MTMR9: variants seen among roughly 807,000 people sequenced by gnomAD.
MTMR9 encodes myotubularin-related protein 9.
A neutral mutation model predicts 69.5 loss-of-function variants in MTMR9; 39 were observed. The observed-to-expected ratio is 0.56, with a 90% CI of 0.43 to 0.73. The LOEUF is 0.73. Among genes scored for constraint, MTMR9 ranks in the 30% least tolerant of loss-of-function variants. MTMR9 has a pLI of 0.00. For synonymous variants in MTMR9, 354 were observed against 240.8 expected (o/e 1.47, Z -4.35); for missense variants, 900 against 671.2 (o/e 1.34, Z -3.77).
chr8:11,291,957 T>C (rs552272278), intron 1 of MTMR9, among the ~76,000 whole-genome samples: 13 of 152,164 alleles, frequency 8.5e-5, no homozygotes, highest in African/African-American at 3.1e-4. Context: ...TGTGTTGATA[T>C]ATGTACACAC....
At chr8:11,310,143 C>T (rs765351570) in intron 6 of MTMR9, among the ~76,000 whole-genome samples, 2 of 152,226 alleles carry the variant, frequency 1.3e-5, no homozygotes, top group Non-Finnish European at 2.9e-5. Flanking sequence ...TTATTTCATA[C>T]TACTTGATAT....
At chr8:11,314,139 A>G (rs555132437) in intron 6 of MTMR9, among the ~76,000 whole-genome samples, 1 of 152,352 alleles carries the variant, frequency 6.6e-6, no homozygotes, top group East Asian at 1.9e-4. Context: ...GTACATGGGT[A>G]AAAACTGACA....
chr8:11,305,050 G>A, intron 4 of MTMR9, 36 bp downstream of exon 4: 3 of 1,589,818 alleles, frequency 1.9e-6, no homozygotes, highest in Non-Finnish European at 2.6e-6. Flanking sequence ...TGTACTGAAA[G>A]GCTTGGGTTG....
chr8:11,327,693 C>T lies in MTMR9; in HGVS notation c.*4905C>T, dbSNP rs922144063. On this transcript the variant is annotated 3_prime_UTR_variant, in exon 10 of 10. Coordinates refer to ENST00000221086, the MANE Select transcript of MTMR9 (RefSeq NM_015458.4). ...TGAATGTGACTCTTGGATTTAAGTG[C>T]ACTATTATTCATGGCTTATACAATA... is the stretch of plus-strand genomic sequence containing the variant. The T allele has an allele frequency of 1.3e-5, 2 of 152,576 alleles. No homozygotes were observed. Among genetic ancestry groups the T allele is most frequent in the Non-Finnish European group, 2.9e-5 (2 of 68,020 alleles). 9.5% of individuals were successfully genotyped at this position (152,576 alleles called of 1,614,324 possible).
rs896721380 is a variant in MTMR9 at position 11,296,476 on chromosome 8, A to T, written c.291+1174A>T. 2.6e-5 allele frequency among the ~76,000 whole-genome samples: 4 copies of T among 152,322 alleles called. No homozygotes were observed. The East Asian group carries it at 5.8e-4, about 22-fold the overall frequency. ...TAAAACTTTATTCACATTGTTGTGC[A>T]GCAGATCTCCAGGACTTTTTCATCT... On this transcript the variant is annotated intron_variant, in intron 2 of 9. Coordinates refer to ENST00000221086, the MANE Select transcript of MTMR9 (RefSeq NM_015458.4).
chr8:11,300,005 T>C lies in MTMR9; in HGVS notation c.292-18T>C, dbSNP rs777407494. 6.2e-7 allele frequency: 1 copy of C among 1,600,136 alleles called. No individual in the cohort carries two copies. On this transcript the variant is annotated intron_variant, in intron 2 of 9. Coordinates refer to ENST00000221086, the MANE Select transcript of MTMR9 (RefSeq NM_015458.4). Reference sequence around the variant, plus strand: ...TGTGGATGTTTCTTTTTTGTCTTTCTTTTCTTTTTGCCCCCAGGCATTGTC... The same window carrying C: ...TGTGGATGTTTCTTTTTTGTCTTTCCTTTCTTTTTGCCCCCAGGCATTGTC...
At position 11,300,163 on chromosome 8, in the gene MTMR9, G is replaced by C. The variant is rs758639593; in HGVS notation, c.417+15G>C. On this transcript the variant is annotated intron_variant, in intron 3 of 9. Transcript: ENST00000221086. Reference sequence around the variant, plus strand: ...ATTCTTCAGCTGTGAGTTAACTTTTGAGAACTGTGGATTATGAGAAGTAAC... The same window carrying C: ...ATTCTTCAGCTGTGAGTTAACTTTTCAGAACTGTGGATTATGAGAAGTAAC... 6.2e-6 allele frequency: 10 copies of C among 1,611,022 alleles called. No individual in the cohort carries two copies. The South Asian group carries it at 9.9e-5, about 16-fold the overall frequency.
In MTMR9 at chr8:11,327,126, C is replaced by T. The variant is rs1455247876; in HGVS notation, c.*4338C>T. 1 of 151,902 alleles carries T rather than the reference C, an allele frequency of 6.6e-6. No individual in the cohort carries two copies. The highest frequency in any genetic ancestry group is 1.5e-5 in the Non-Finnish European group (1 of 67,988). 9.4% of individuals were successfully genotyped at this position (151,902 alleles called of 1,614,324 possible). A position where few individuals can be genotyped will look rare whatever the true frequency, so the allele number is the denominator to read the frequency against. ...CATTTGGTCTTTATAATCCACTGTC[C>T]ACAGCATCTTCCTTTAAACCAATAG... On this transcript the variant is annotated 3_prime_UTR_variant, in exon 10 of 10. Transcript: ENST00000221086.
intron 2 of MTMR9, among the ~76,000 whole-genome samples, chr8:11,295,861 G>C (rs1373814944): frequency 6.6e-6 from 1 of 152,126 alleles, no homozygotes; most frequent in East Asian, 1.9e-4. Context: ...TAGGGACTGG[G>C]GGGACCTAGA....
At chr8:11,316,491 C>G in intron 7 of MTMR9, 182 bp from the exon 8 acceptor site, 1 of 441,500 alleles carries the variant, frequency 2.3e-6, no homozygotes, top group Non-Finnish European at 3.9e-6. Context: ...TGTCTTTTTC[C>G]TTAGTTGCTG....
intron 1 of MTMR9, among the ~76,000 whole-genome samples, chr8:11,287,886 AT>A (rs1563262907): frequency 1.3e-4 from 17 of 128,578 alleles, no homozygotes; most frequent in African/African-American, 5.1e-4. Context: ...TATAACATAT[AT>A]AATACGTATT....
intron 9 of MTMR9, chr8:11,321,521 T>C (rs139762544): frequency 5.2e-4 from 236 of 456,818 alleles, no homozygotes; most frequent in African/African-American, 4.3e-3. Context: ...AGATAAGTGA[T>C]GGGATGAAAT....
In MTMR9 at chr8:11,319,819, G is replaced by C. The variant is rs757979523; in HGVS notation, c.1467G>C (p.Gln489His). 1.2e-6 allele frequency: 2 copies of C among 1,614,000 alleles called. No homozygotes were observed. Among genetic ancestry groups the C allele is most frequent in the African/African-American group, 2.7e-5 (2 of 74,914 alleles). The change falls in exon 9 of 10, where the codon CAG becomes CAC. Residue 489 changes from glutamine (Q) to histidine (H), a missense_variant. Physicochemically the swap from Gln to His is conservative, Grantham distance 24. Transcript: ENST00000221086. ...TCATCTGGCCTTCAGTTGCTCCGCA[G>C]AGTCTTCCACTGTGGGAAGGTAAAC... ...NLVIWPSVAP[Q>H]SLPLWEGIFL...
chr8:11,286,306 A>AGATT (rs966089463), intron 1 of MTMR9, among the ~76,000 whole-genome samples: 2 of 151,364 alleles, frequency 1.3e-5, no homozygotes, highest in African/African-American at 2.4e-5. Context: ...AAGCCATGGT[A>AGATT]GATTGATTGA....
intron 1 of MTMR9, among the ~76,000 whole-genome samples, chr8:11,287,530 A>G (rs1443116663): frequency 1.3e-5 from 2 of 151,630 alleles, no homozygotes; most frequent in African/African-American, 4.9e-5. Context: ...TGCTGCTTTC[A>G]AGAAATCTTT....
chr8:11,312,700 G>A (rs11250127), intron 6 of MTMR9, among the ~76,000 whole-genome samples: 55,110 of 152,106 alleles, frequency 0.36, 11,263 homozygotes, highest in East Asian at 0.7. Context: ...ATCTAGAAAG[G>A]TGAATTCTTT....
At chr8:11,310,336 C>A (rs1057347184) in intron 6 of MTMR9, among the ~76,000 whole-genome samples, 2 of 152,148 alleles carry the variant, frequency 1.3e-5, no homozygotes, top group African/African-American at 4.8e-5. Context: ...GCTTAGAATG[C>A]CGTTTCTAAG....
the MTMR9 span, among the ~76,000 whole-genome samples, chr8:11,334,827 T>A: frequency 2.0e-5 from 3 of 152,150 alleles, no homozygotes; most frequent in Non-Finnish European, 2.9e-5. Context: ...ATCAACAGAC[T>A]AAAGAAGAAA....
rs772618981 is a variant in MTMR9, at chr8:11,305,024, C to A, written c.591+10C>A. 6.2e-7 allele frequency: 1 copy of A among 1,612,476 alleles called. No homozygotes were observed. The highest frequency in any genetic ancestry group is 8.5e-7 in the Non-Finnish European group (1 of 1,178,782). On this transcript the variant is annotated intron_variant, in intron 4 of 9. Coordinates refer to ENST00000221086, the MANE Select transcript of MTMR9 (RefSeq NM_015458.4). ...CAAAAAAAATGGGATGGTAAGTGCA[C>A]AGCACTACTGCTTGATGTACTGAAA...
Sources: allele counts gnomAD v4.1 joint callset (sites outside exome capture counted in the v4.1 genomes callset), GRCh38; gene constraint gnomAD v4.1.1; transcripts MANE v1.5; gene names NCBI Gene and HGNC (gene_info 2026-07-23, HGNC 2026-07-21).